RBM45: variants seen among roughly 807,000 people sequenced by gnomAD.
RBM45 encodes the protein RNA binding motif protein 45.
RBM45 carries 39 observed loss-of-function variants against 58.5 expected under a neutral mutation model. That is an observed-to-expected ratio of 0.67 (90% CI 0.52 to 0.87). The LOEUF (loss-of-function observed/expected upper bound fraction) is 0.87. Ranked by LOEUF, RBM45 falls within the 40% of genes least tolerant of loss-of-function variation. The pLI, the probability that RBM45 is intolerant of heterozygous loss-of-function variation, is 0.00. For missense variants in RBM45, 481 were observed against 581.6 expected (o/e 0.83, Z 1.78); for synonymous variants, 193 against 203.0 (o/e 0.95, Z 0.42).
chr2:178,127,488 T>C (rs1436330557), intron 9 of RBM45, among the ~76,000 whole-genome samples: 1 of 152,228 alleles, frequency 6.6e-6, no homozygotes, highest in Admixed American at 6.5e-5. Flanking sequence ...CTAGAACAGA[T>C]CACATGATTA....
chr2:178,124,423 T>C lies in RBM45; in HGVS notation c.1232+133T>C, dbSNP rs539318102. ...TTCTCTGCTTTTAAAACCTCCTTAT[T>C]TGTATCATCTTTTTCAATTTCTGAT... On this transcript the variant is annotated intron_variant, in intron 8 of 9. Coordinates refer to ENST00000286070, the MANE Select transcript of RBM45 (RefSeq NM_152945.4). 6.4e-6 allele frequency: 3 copies of C among 471,236 alleles called. No homozygotes were observed. In the South Asian group the frequency reaches 2.3e-4, roughly 36 times the overall value. 29.2% of individuals were successfully genotyped at this position (471,236 alleles called of 1,614,324 possible).
chr2:178,123,414 G>A, intron 5 of RBM45, 108 bp from the exon 6 acceptor site: 1 of 1,103,316 alleles, frequency 9.1e-7, no homozygotes, highest in Non-Finnish European at 1.3e-6. Context: ...TTTACTAGTT[G>A]TGTGATATTA....
intron 9 of RBM45, among the ~76,000 whole-genome samples, chr2:178,128,717 G>C (rs1390223528): frequency 1.3e-5 from 2 of 152,198 alleles, no homozygotes; most frequent in Non-Finnish European, 2.9e-5. Flanking sequence ...GTTTGGATAG[G>C]ATACGATTAG....
rs759464587 is a variant in RBM45 at position 178,126,050 on chromosome 2, C to T, written c.1299C>T (p.Ala433=). 1.1e-5 allele frequency: 17 copies of T among 1,613,548 alleles called. No individual in the cohort carries two copies. Among genetic ancestry groups the T allele is most frequent in the Middle Eastern group, 1.6e-4 (1 of 6,062 alleles). Residue 433 remains alanine, a synonymous_variant, in exon 9 of 10, where the codon GCC becomes GCT. Coordinates refer to ENST00000286070, the MANE Select transcript of RBM45 (RefSeq NM_152945.4). ...SGKNVGYAKY[A]DRISANDAIA... ...AAAATGTGGGGTATGCCAAGTATGC[C>T]GATAGAATAAGTGCTAATGATGCCA...
chr2:178,115,599 C>T (rs191067992), intron 1 of RBM45, among the ~76,000 whole-genome samples: 266 of 152,206 alleles, frequency 1.7e-3, no homozygotes, highest in African/African-American at 6.3e-3. Flanking sequence ...TTGGTTGCTG[C>T]TTCCTACTGT....
At chr2:178,135,526 A>G (rs2088038275) in intron 3 of RBM45, among the ~76,000 whole-genome samples, 2 of 152,258 alleles carry the variant, frequency 1.3e-5, no homozygotes, top group South Asian at 4.1e-4. Flanking sequence ...TTTTACTATG[A>G]TAACTCAAAG....
At chr2:178,127,584 A>G (rs1279735536) in intron 9 of RBM45, among the ~76,000 whole-genome samples, 1 of 152,184 alleles carries the variant, frequency 6.6e-6, no homozygotes, top group Non-Finnish European at 1.5e-5. Context: ...ATCTTTTTAA[A>G]TGTTTTATTA....
At chr2:178,138,794 T>A (rs989354829) in exon 4 of RBM45, 1 of 152,070 alleles carries the variant, frequency 6.6e-6, no homozygotes. Flanking sequence ...TATTCCGAAA[T>A]TTTTCAGTGG....
chr2:178,135,043 G>A (rs1360639111), intron 3 of RBM45, among the ~76,000 whole-genome samples: 1 of 152,186 alleles, frequency 6.6e-6, no homozygotes, highest in African/African-American at 2.4e-5. Flanking sequence ...CCTATCCACT[G>A]TGTTGGGTTT....
chr2:178,133,820 C>T (rs1025446719), downstream of RBM45: 9 of 152,274 alleles, frequency 5.9e-5, no homozygotes, highest in African/African-American at 2.2e-4. Context: ...CATTTTAATA[C>T]TTGAATTCTA....
rs777926800 is a variant in RBM45 at position 178,112,663 on chromosome 2, G to T, written c.117G>T (p.Ser39=). ...TGATCAGCAAGTACACACCTGAGTC[G>T]GTGCTGAGGGAGCGCTTCTCGCCTT... The part of the protein sequence containing the change: ...FLVISKYTPE[S]VLRERFSPFG... Residue 39 remains serine (S), a synonymous_variant, in exon 1 of 10, where the codon TCG becomes TCT. Transcript: ENST00000286070. The T allele has an allele frequency of 1.3e-5, 21 of 1,614,096 alleles. No homozygotes were observed. The highest frequency in any genetic ancestry group is 1.8e-5 in the Non-Finnish European group (21 of 1,180,042).
At chr2:178,125,478 A>G (rs1559081459) in intron 8 of RBM45, among the ~76,000 whole-genome samples, 1 of 152,194 alleles carries the variant, frequency 6.6e-6, no homozygotes, top group Non-Finnish European at 1.5e-5. Flanking sequence ...CACAGGTGAA[A>G]GCTGGGGGTA....
intron 3 of RBM45, among the ~76,000 whole-genome samples, chr2:178,136,126 T>C (rs334063): frequency 0.86 from 130,271 of 152,104 alleles, 56,516 homozygotes; most frequent in Non-Finnish European, 0.92. Context: ...CTGGTTAACA[T>C]GGTGAAACCC....
intron 9 of RBM45, among the ~76,000 whole-genome samples, chr2:178,128,126 C>T (rs1340558261): frequency 6.6e-6 from 1 of 151,320 alleles, no homozygotes; most frequent in African/African-American, 2.4e-5. Flanking sequence ...ACAGCTCAGC[C>T]TTGCAAGTAG....
chr2:178,116,404 A>G lies in RBM45; in HGVS notation c.423+20A>G. ...TTTAAGGTATTTATTCTAATCAGCT[A>G]GCATATGTGATAACTCATAGTCCTG... On this transcript the variant is annotated intron_variant, in intron 2 of 9. Coordinates refer to ENST00000286070, the MANE Select transcript of RBM45 (RefSeq NM_152945.4). 1 of 1,594,122 alleles carries G rather than the reference A, an allele frequency of 6.3e-7. No homozygotes were observed. Among genetic ancestry groups the G allele is most frequent in the Non-Finnish European group, 8.5e-7 (1 of 1,172,648 alleles).
Position 178,112,702 on chromosome 2 carries a change from G to A in RBM45, c.156G>A (p.Gln52=), listed in dbSNP as rs2087719601. ...GCTTCTCGCCTTTTGGCGACATCCA[G>A]GACATCTGGGTGGTGCGGGACAAGC... ...RERFSPFGDI[Q]DIWVVRDKHT... The change falls in exon 1 of 10, where the codon CAG becomes CAA. Residue 52 remains glutamine (Q), a synonymous_variant. Transcript: ENST00000286070. 6.2e-7 allele frequency: 1 copy of A among 1,614,266 alleles called. No homozygotes were observed. The highest frequency in any genetic ancestry group is 8.5e-7 in the Non-Finnish European group (1 of 1,180,054).
intron 3 of RBM45, among the ~76,000 whole-genome samples, chr2:178,119,597 C>A (rs897102217): frequency 5.3e-5 from 8 of 152,090 alleles, no homozygotes; most frequent in African/African-American, 1.9e-4. Flanking sequence ...TGATCTAACC[C>A]CACTGTATTA....
rs538628924 is a variant in RBM45, at chr2:178,123,452, T to C, written c.854-70T>C. On this transcript the variant is annotated intron_variant, in intron 5 of 9. Coordinates refer to ENST00000286070, the MANE Select transcript of RBM45 (RefSeq NM_152945.4). ...GTTCTACATGGTTTCATTTTTGTGATAGATTGTAACATAGGCCTTAGGCAC... is the reference window on the plus strand; with the variant it reads ...GTTCTACATGGTTTCATTTTTGTGACAGATTGTAACATAGGCCTTAGGCAC... The C allele has an allele frequency of 4.1e-6, 6 of 1,455,528 alleles. No homozygotes were observed. The Admixed American group carries it at 1.0e-4, about 25-fold the overall frequency. The allele number at this position is 1,455,528 out of a possible 1,614,324, so 90.2% of individuals were successfully genotyped here.
chr2:178,126,187 A>G lies in RBM45; in HGVS notation c.*8+3A>G. 1 of 1,603,102 alleles carries G rather than the reference A, an allele frequency of 6.2e-7. No individual in the cohort carries two copies. Among genetic ancestry groups the G allele is most frequent in the South Asian group, 1.1e-5 (1 of 90,514 alleles). ...CAAAGAACTTACTGATTCTTGAGGT[A>G]AGCCCTTTTTAATCTGAATTTTAAA... On this transcript the variant is annotated splice_donor_region_variant and intron_variant, in intron 9 of 9. Coordinates refer to ENST00000286070, the MANE Select transcript of RBM45 (RefSeq NM_152945.4).
Sources: gnomAD v4.1 joint callset for allele counts (sites outside exome capture counted in the v4.1 genomes callset) on GRCh38, gnomAD v4.1.1 for gene constraint, MANE v1.5 for transcripts, NCBI Gene and HGNC (gene_info 2026-07-23, HGNC 2026-07-21) for gene names.